DDHD1: variants seen among roughly 807,000 people sequenced by gnomAD.
DDHD1 encodes the protein phospholipase DDHD1.
A neutral mutation model predicts 96.4 loss-of-function variants in DDHD1; 49 were observed. The ratio of observed to expected loss-of-function variants is 0.51; its 90% confidence interval spans 0.40 to 0.64. DDHD1 has a LOEUF of 0.64. Ranked by LOEUF, DDHD1 falls within the 30% of genes least tolerant of loss-of-function variation. DDHD1 has a pLI of 0.00. For synonymous variants in DDHD1, 442 were observed against 446.5 expected (o/e 0.99, Z 0.13); for missense variants, 1,106 against 1,161.2 (o/e 0.95, Z 0.69).
chr14:53,126,129 G>A (rs1386674473), intron 1 of DDHD1, among the ~76,000 whole-genome samples: 1 of 152,052 alleles, frequency 6.6e-6, no homozygotes, highest in Non-Finnish European at 1.5e-5. Flanking sequence ...AGTGATCACT[G>A]GTTCCCAACT....
At chr14:53,148,121 G>C (rs1051346317) in intron 1 of DDHD1, among the ~76,000 whole-genome samples, 15 of 152,224 alleles carry the variant, frequency 9.9e-5, no homozygotes, top group Admixed American at 7.8e-4. Context: ...AATGCAAGTA[G>C]GCTGTATAAG....
At chr14:53,086,761 A>T (rs1885997420) in intron 4 of DDHD1, among the ~76,000 whole-genome samples, 1 of 152,196 alleles carries the variant, frequency 6.6e-6, no homozygotes. Context: ...CAAAATAACC[A>T]GCTAACATCA....
intron 2 of DDHD1, among the ~76,000 whole-genome samples, chr14:53,098,420 A>T (rs1475430522): frequency 6.6e-6 from 1 of 152,052 alleles, no homozygotes; most frequent in African/African-American, 2.4e-5. Flanking sequence ...TGCTGATGAC[A>T]TACTAATTCC....
Position 53,046,575 on chromosome 14 carries a change from G to A in DDHD1, c.*193C>T. ...TTGTCAGACTCATAATTAAAATGAT[G>A]CAAACTGTAAATGACTTCTTCAGAA... is the stretch of plus-strand genomic sequence containing the variant. On this transcript the variant is annotated 3_prime_UTR_variant, in exon 13 of 13. Coordinates refer to ENST00000673822, the MANE Select transcript of DDHD1 (RefSeq NM_001160148.2). 1 of 381,972 alleles carries A rather than the reference G, an allele frequency of 2.6e-6. No homozygotes were observed. The highest frequency in any genetic ancestry group is 8.5e-5 in the South Asian group (1 of 11,724). The allele number at this position is 381,972 out of a possible 1,614,324, so 23.7% of individuals were successfully genotyped here. A position where few individuals can be genotyped will look rare whatever the true frequency, so the allele number is the denominator to read the frequency against.
At chr14:53,131,409 G>T (rs1223617334) in intron 1 of DDHD1, among the ~76,000 whole-genome samples, 1 of 152,080 alleles carries the variant, frequency 6.6e-6, no homozygotes, top group Non-Finnish European at 1.5e-5. Flanking sequence ...GCTTTGAAGG[G>T]AATAAAGCCT....
chr14:53,137,434 A>G (rs564884485), intron 1 of DDHD1, among the ~76,000 whole-genome samples: 5 of 152,238 alleles, frequency 3.3e-5, no homozygotes, highest in African/African-American at 1.2e-4. Flanking sequence ...TCTACTAAAA[A>G]TACAAAAATT....
chr14:53,061,990 G>A (rs1468216412), intron 7 of DDHD1, among the ~76,000 whole-genome samples: 9 of 143,500 alleles, frequency 6.3e-5, no homozygotes, highest in Non-Finnish European at 1.2e-4. Flanking sequence ...AGCTGAGACC[G>A]TGCCACTGCA....
chr14:53,104,391 T>A (rs930378108), intron 1 of DDHD1, among the ~76,000 whole-genome samples: 1 of 152,230 alleles, frequency 6.6e-6, no homozygotes, highest in Non-Finnish European at 1.5e-5. Flanking sequence ...AGACTCTGAA[T>A]AACCAAAATT....
chr14:53,072,540 G>T, intron 6 of DDHD1, 57 bp downstream of exon 6: 5 of 943,302 alleles, frequency 5.3e-6, no homozygotes, highest in Admixed American at 5.4e-5. Context: ...AAAAATTCAG[G>T]ACATTTATAA....
chr14:53,118,261 A>G (rs1314523733), intron 1 of DDHD1, among the ~76,000 whole-genome samples: 6 of 152,326 alleles, frequency 3.9e-5, no homozygotes, highest in African/African-American at 1.2e-4. Context: ...CTTCTCCTCC[A>G]AAGGATTGCA....
intron 12 of DDHD1, among the ~76,000 whole-genome samples, chr14:53,050,245 G>T (rs115500567): frequency 1.9e-3 from 289 of 152,264 alleles, no homozygotes; most frequent in African/African-American, 6.5e-3. Context: ...AACTGCAGAG[G>T]TGGGAAGCAT....
chr14:53,058,667 G>A, intron 8 of DDHD1, 41 bp from the exon 9 acceptor site: 2 of 1,556,316 alleles, frequency 1.3e-6, no homozygotes, highest in African/African-American at 2.8e-5. Context: ...AAATGGTGAA[G>A]TGTTATCTTT....
At chr14:53,147,410 A>G (rs1891074214) in intron 1 of DDHD1, among the ~76,000 whole-genome samples, 1 of 152,210 alleles carries the variant, frequency 6.6e-6, no homozygotes, top group Non-Finnish European at 1.5e-5. Context: ...TGCTCTAAGC[A>G]TTTGCATAAA....
chr14:53,086,736 G>A (rs920561694), intron 4 of DDHD1, among the ~76,000 whole-genome samples: 1 of 152,084 alleles, frequency 6.6e-6, no homozygotes, highest in Non-Finnish European at 1.5e-5. Flanking sequence ...GGAAGAAACT[G>A]CAGCAATTAA....
At chr14:53,114,060 C>A (rs1393727448) in intron 1 of DDHD1, among the ~76,000 whole-genome samples, 1 of 152,160 alleles carries the variant, frequency 6.6e-6, no homozygotes. Context: ...ATTACCAAGG[C>A]TTTAGTAGGT....
intron 4 of DDHD1, among the ~76,000 whole-genome samples, chr14:53,076,058 C>T (rs1179527479): frequency 6.6e-6 from 1 of 152,130 alleles, no homozygotes; most frequent in Non-Finnish European, 1.5e-5. Context: ...AACACAATAT[C>T]CACTCTGCAG....
At chr14:53,085,988 G>C (rs946531855) in intron 4 of DDHD1, among the ~76,000 whole-genome samples, 1 of 152,184 alleles carries the variant, frequency 6.6e-6, no homozygotes, top group African/African-American at 2.4e-5. Flanking sequence ...CATGACACGA[G>C]AACTACGTGA....
chr14:53,046,912 TTC>T lies in DDHD1; in HGVS notation c.2557_2558del (p.Glu853ArgfsTer33). 6.2e-7 allele frequency: 1 copy of T among 1,611,418 alleles called. No homozygotes were observed. The highest frequency in any genetic ancestry group is 8.5e-7 in the Non-Finnish European group (1 of 1,178,884). On this transcript the variant is annotated frameshift_variant, in exon 13 of 13. Transcript: ENST00000673822. LOFTEE classifies it high-confidence loss of function. Reference protein sequence around the residue: ...LDHRIDFELREGLVESRYWSA... With the variant: ...LDHRIDFELRXGLVESRYWSA... ...ACCAATAGCGGCTCTCCACAAGGCC[TTC>T]TCTGAGTTCAAAATCAATCCTGTGA...
chr14:53,137,819 T>A (rs552197411), intron 1 of DDHD1, among the ~76,000 whole-genome samples: 1 of 152,070 alleles, frequency 6.6e-6, no homozygotes, highest in Non-Finnish European at 1.5e-5. Context: ...CCCATGCAGA[T>A]GAATTATGAA....
Sources: gnomAD v4.1 joint callset for allele counts (sites outside exome capture counted in the v4.1 genomes callset) on GRCh38, gnomAD v4.1.1 for gene constraint, MANE v1.5 for transcripts, NCBI Gene and HGNC (gene_info 2026-07-23, HGNC 2026-07-21) for gene names.